The following NCOR2 variants were observed in gnomAD, a reference collection of about 807,000 sequenced individuals.
The protein encoded by NCOR2 is nuclear receptor corepressor 2.
Under a neutral mutation model 262.9 loss-of-function variants are expected in NCOR2, and 81 were observed. That is an observed-to-expected ratio of 0.31 (90% CI 0.26 to 0.37). NCOR2 has a LOEUF of 0.37. NCOR2 is among the 10% of genes least tolerant of loss of function. The pLI, the probability that NCOR2 is intolerant of heterozygous loss-of-function variation, is 1.00. For synonymous variants in NCOR2, 1,659 were observed against 1,559.3 expected (o/e 1.06, Z -1.51); for missense variants, 3,385 against 3,621.4 (o/e 0.93, Z 1.68).
At chr12:124,397,077 C>A (rs2041723245) in intron 16 of NCOR2, among the ~76,000 whole-genome samples, 1 of 152,212 alleles carries the variant, frequency 6.6e-6, no homozygotes, top group South Asian at 2.1e-4. Flanking sequence ...GCCTCTGCTT[C>A]CTGGCTCCTT....
intron 18 of NCOR2, among the ~76,000 whole-genome samples, chr12:124,377,201 G>A (rs1342147755): frequency 1.3e-5 from 2 of 152,170 alleles, no homozygotes; most frequent in East Asian, 3.9e-4. Flanking sequence ...CTGCATTTGA[G>A]GGGACTCGGG....
intron 1 of NCOR2, among the ~76,000 whole-genome samples, chr12:124,544,497 G>A (rs2051480818): frequency 6.6e-6 from 1 of 152,226 alleles, no homozygotes; most frequent in South Asian, 2.1e-4. Context: ...AAGAGATGGT[G>A]AAAGAGATTT....
intron 16 of NCOR2, among the ~76,000 whole-genome samples, chr12:124,387,909 T>C (rs1034637917): frequency 9.7e-5 from 13 of 133,938 alleles, no homozygotes; most frequent in Non-Finnish European, 2.1e-4. Flanking sequence ...GGGGTGGGCA[T>C]GGAGAGCTCA....
rs1319316083 is a variant in NCOR2, at chr12:124,330,704, C to T, written c.6958+141G>A. 10 of 878,772 alleles carry T rather than the reference C, an allele frequency of 1.1e-5. No individual in the cohort carries two copies. The East Asian group carries it at 2.7e-4, about 24-fold the overall frequency. The allele number at this position is 878,772 out of a possible 1,614,324, so 54.4% of individuals were successfully genotyped here. On this transcript the variant is annotated intron_variant, in intron 44 of 46. Transcript: ENST00000405201. ...GCCTGTTGTGTGACTCTGAATCCTA[C>T]TGTGCGGTTAGTTCATCCCAGAATG... is the stretch of plus-strand genomic sequence containing the variant.
chr12:124,491,196 A>T (rs1445840477), intron 1 of NCOR2, among the ~76,000 whole-genome samples: 1 of 152,270 alleles, frequency 6.6e-6, no homozygotes, highest in African/African-American at 2.4e-5. Flanking sequence ...CCTAGGGGCA[A>T]AGCCCAAAGT....
rs2047620542 is a variant in NCOR2, at chr12:124,483,686, G to A, written c.321C>T (p.Arg107=). The A allele has an allele frequency of 1.2e-6, 2 of 1,611,976 alleles. No homozygotes were observed. Among genetic ancestry groups the A allele is most frequent in the South Asian group, 1.1e-5 (1 of 90,602 alleles). ...GGTCAGGCAGCAGCTCTAGCCGAGG[G>A]CGCTTGCTTTCAATGAACTCCATCT... The change falls in exon 3 of 47, where the codon CGC becomes CGT. Residue 107 remains arginine, a synonymous_variant. Coordinates refer to ENST00000405201, the Ensembl canonical transcript of NCOR2. This position sits in a 1 kb window ranked among gnomAD's most constrained non-coding sequence, Gnocchi z 6.3.
At chr12:124,410,049 C>T (rs1040462807) in intron 13 of NCOR2, among the ~76,000 whole-genome samples, 3 of 151,342 alleles carry the variant, frequency 2.0e-5, no homozygotes, top group Non-Finnish European at 2.9e-5. Context: ...CAAACACCAC[C>T]CATCCCCCAG....
intron 12 of NCOR2, 41 bp from the exon 15 acceptor site, chr12:124,420,096 C>A (rs375790637): frequency 3.9e-6 from 6 of 1,535,260 alleles, no homozygotes; most frequent in South Asian, 2.2e-5. Context: ...GGGTACAGCA[C>A]AGGCATTCAG....
At chr12:124,486,520 G>A (rs924837078) in exon 2 of NCOR2, 28 of 1,604,454 alleles carry the variant, frequency 1.7e-5, no homozygotes, top group Non-Finnish European at 2.0e-5. Flanking sequence ...GGCGACAGGT[G>A]GGAGGCATAG....
At chr12:124,536,001 C>T (rs919779101), upstream of NCOR2, among the ~76,000 whole-genome samples, 5 of 152,142 alleles carry the variant, frequency 3.3e-5, no homozygotes, top group Admixed American at 6.6e-5. Context: ...GATGGGTCGA[C>T]GGACACCTGA....
intron 4 of NCOR2, among the ~76,000 whole-genome samples, chr12:124,472,469 A>C (rs1368676696): frequency 6.6e-6 from 1 of 152,180 alleles, no homozygotes; most frequent in African/African-American, 2.4e-5. Flanking sequence ...CAGTCCATTC[A>C]GATTCCAGAG....
At chr12:124,558,996 G>A (rs1014462673) in intron 1 of NCOR2, among the ~76,000 whole-genome samples, 2 of 152,168 alleles carry the variant, frequency 1.3e-5, no homozygotes, top group Non-Finnish European at 2.9e-5. Context: ...AAAACCAAGT[G>A]AACCCTGGGA....
chr12:124,326,736 G>C (rs1385206454), intron 45 of NCOR2, among the ~76,000 whole-genome samples: 1 of 152,182 alleles, frequency 6.6e-6, no homozygotes, highest in Non-Finnish European at 1.5e-5. Flanking sequence ...GCTAAGGCTA[G>C]GCAGGATCCA....
At chr12:124,401,708 G>A (rs549296033) in intron 14 of NCOR2, among the ~76,000 whole-genome samples, 1 of 152,234 alleles carries the variant, frequency 6.6e-6, no homozygotes, top group Non-Finnish European at 1.5e-5. Context: ...GTTTTACTGC[G>A]GGAGGCTCAG....
exon 31 of NCOR2, chr12:124,346,827 C>T: frequency 6.3e-7 from 1 of 1,580,470 alleles, no homozygotes; most frequent in Non-Finnish European, 8.6e-7. Context: ...TCCTCCTGTG[C>T]CTCCACGTAG....
At chr12:124,339,164 C>T (rs1429939781) in intron 37 of NCOR2, among the ~76,000 whole-genome samples, 1 of 149,592 alleles carries the variant, frequency 6.7e-6, no homozygotes, top group African/African-American at 2.5e-5. Context: ...CCCAGTTAAC[C>T]CAGCCATCTA....
chr12:124,455,313 A>G (rs1225370514), intron 6 of NCOR2, among the ~76,000 whole-genome samples: 2 of 152,146 alleles, frequency 1.3e-5, no homozygotes, highest in Admixed American at 6.5e-5. Flanking sequence ...ACTTCCCCAG[A>G]TATCACTTCC....
chr12:124,486,372 G>T, intron 2 of NCOR2, 69 bp downstream of exon 4: 2 of 1,576,304 alleles, frequency 1.3e-6, no homozygotes, highest in Non-Finnish European at 1.7e-6. Flanking sequence ...CTCTGCCACG[G>T]GCCTCTGCTT....
At chr12:124,357,458 T>C (rs2038038552) in intron 22 of NCOR2, among the ~76,000 whole-genome samples, 1 of 152,176 alleles carries the variant, frequency 6.6e-6, no homozygotes, top group Non-Finnish European at 1.5e-5. Context: ...CATGCTTGGC[T>C]AGTTTATATT....
Sources: gnomAD v4.1 joint callset for allele counts (sites outside exome capture counted in the v4.1 genomes callset) on GRCh38, gnomAD v4.1.1 for gene constraint, Gnocchi (gnomAD v3.1) non-coding constraint, MANE v1.5 for transcripts, NCBI Gene and HGNC (gene_info 2026-07-23, HGNC 2026-07-21) for gene names.